Variants in NFKBID observed in about 807,000 individuals in gnomAD.
NFKBID encodes NFKB inhibitor delta.
NFKBID carries 26 observed loss-of-function variants against 53.4 expected under a neutral mutation model. The ratio of observed to expected loss-of-function variants is 0.49; its 90% CI spans 0.36 to 0.68. The LOEUF is 0.68. Among genes scored for constraint, NFKBID ranks in the 30% least tolerant of loss-of-function variants. The probability of loss-of-function intolerance (pLI) is 0.00; values close to 1 mark genes in which losing one functional copy is unlikely to be tolerated. For missense variants in NFKBID, 493 were observed against 614.1 expected, an observed-to-expected ratio of 0.80 and a Z score of 2.08; for synonymous variants, 262 against 259.8, an observed-to-expected ratio of 1.01 and a Z score of -0.08.
intron 9 of NFKBID, among the ~76,000 whole-genome samples, chr19:35,895,729 G>A (rs187296529): frequency 3.3e-4 from 50 of 152,136 alleles, no homozygotes; most frequent in African/African-American, 9.9e-4. Flanking sequence ...ACTTGAACCC[G>A]GGATGCAGAG....
At chr19:35,897,887 C>G in intron 3 of NFKBID, 31 bp from the exon 4 acceptor site, 1 of 1,476,566 alleles carries the variant, frequency 6.8e-7, no homozygotes, top group East Asian at 2.5e-5. Flanking sequence ...AGGGGCAGGT[C>G]TGGTTACCAG....
chr19:35,891,737 C>G (rs916421710), intron 9 of NFKBID, among the ~76,000 whole-genome samples: 3 of 151,976 alleles, frequency 2.0e-5, no homozygotes, highest in Non-Finnish European at 4.4e-5. Context: ...CGTGGTGGCA[C>G]ATGCCTATAA....
chr19:35,898,390 G>T, intron 3 of NFKBID, 82 bp downstream of exon 3: 2 of 844,370 alleles, frequency 2.4e-6, no homozygotes, highest in South Asian at 1.5e-5. Flanking sequence ...CTGACTCCCA[G>T]GTGTCCCAAA....
chr19:35,898,478 C>A, exon 3 of NFKBID: 1 of 1,533,966 alleles, frequency 6.5e-7, no homozygotes, highest in Non-Finnish European at 8.7e-7. Context: ...TTACCAGTCA[C>A]AGCCTCATTC....
chr19:35,901,928 T>G, upstream of NFKBID: 1 of 503,704 alleles, frequency 2.0e-6, no homozygotes, highest in Non-Finnish European at 3.6e-6. Context: ...CCTGGCAAAG[T>G]TCCTCCTCTT....
At chr19:35,895,855 G>A in intron 9 of NFKBID, 125 bp downstream of exon 9, 1 of 809,246 alleles carries the variant, frequency 1.2e-6, no homozygotes, top group South Asian at 1.7e-5. Context: ...GAGAAGTGAA[G>A]TAACATGTTC....
At chr19:35,892,256 T>TG (rs1410240204) in intron 9 of NFKBID, among the ~76,000 whole-genome samples, 1 of 152,120 alleles carries the variant, frequency 6.6e-6, no homozygotes, top group African/African-American at 2.4e-5. Context: ...CTCCCTATGT[T>TG]GCCCAGGTTG....
At chr19:35,890,592 G>A (rs527236723) in intron 9 of NFKBID, 102 bp from the exon 10 acceptor site, 137 of 827,766 alleles carry the variant, frequency 1.7e-4, no homozygotes, top group South Asian at 1.6e-3. Context: ...GGCGGAGTGC[G>A]GTGGTTCACG....
At chr19:35,888,240 G>A (rs1381372917), downstream of NFKBID, 3 of 314,076 alleles carry the variant, frequency 9.6e-6, no homozygotes, top group East Asian at 2.2e-4. Context: ...TGGGAACGAA[G>A]AGCTGAGTTA....
At chr19:35,895,668 G>A (rs1218500023) in intron 9 of NFKBID, among the ~76,000 whole-genome samples, 2 of 152,046 alleles carry the variant, frequency 1.3e-5, no homozygotes, top group Non-Finnish European at 2.9e-5. Flanking sequence ...GCCAGGCGTG[G>A]TGACTCATGC....
rs1975161588 is a variant in NFKBID, at chr19:35,896,487, G to A, written c.736C>T (p.Leu246=). Reference sequence around the variant, plus strand: ...TTGGGCTCTGCTCCCAGGTTCAACAGATCCTCCACAATCAGGGGCTGGTTG... The same window carrying A: ...TTGGGCTCTGCTCCCAGGTTCAACAAATCCTCCACAATCAGGGGCTGGTTG... The change falls in exon 7 of 12, where the codon CTG becomes TTG. Residue 246 remains leucine, a synonymous_variant. Coordinates refer to ENST00000641389, the Ensembl canonical transcript of NFKBID. This position sits in a 1 kb window ranked among gnomAD's most constrained non-coding sequence, Gnocchi z 5.7. 1 of 1,614,132 alleles carries A rather than the reference G, an allele frequency of 6.2e-7. No homozygotes were observed. The highest frequency in any genetic ancestry group is 8.5e-7 in the Non-Finnish European group (1 of 1,179,980).
chr19:35,902,072 C>CAG, upstream of NFKBID: 5 of 673,448 alleles, frequency 7.4e-6, no homozygotes, highest in Non-Finnish European at 1.4e-5. Flanking sequence ...CCAGACCAGC[C>CAG]TTATCCCCTG....
chr19:35,896,382 C>T lies in NFKBID; in HGVS notation c.831+10G>A, dbSNP rs1975152647. On this transcript the variant is annotated intron_variant, in intron 7 of 11. Coordinates refer to ENST00000641389, the Ensembl canonical transcript of NFKBID. This position sits in a 1 kb window ranked among gnomAD's most constrained non-coding sequence, Gnocchi z 5.7. The stretch of plus-strand genomic sequence containing the variant: ...CCCCAGACAAACCCCTGCCTGCCAG[C>T]TGGCCATACCAAGAGAACTCCTGGG... The T allele has an allele frequency of 6.2e-7, 1 of 1,614,166 alleles. No homozygotes were observed. Among genetic ancestry groups the T allele is most frequent in the East Asian group, 2.2e-5 (1 of 44,876 alleles).
chr19:35,890,099 G>C (rs1376106234), intron 10 of NFKBID, 45 bp from the exon 11 acceptor site: 1 of 1,550,782 alleles, frequency 6.4e-7, no homozygotes, highest in African/African-American at 1.4e-5. Flanking sequence ...GGCTCAGCTG[G>C]CCCAGGCCTC....
intron 9 of NFKBID, among the ~76,000 whole-genome samples, chr19:35,894,490 T>C (rs1176457988): frequency 6.6e-6 from 1 of 151,932 alleles, no homozygotes; most frequent in Non-Finnish European, 1.5e-5. Context: ...AAGGATTGCT[T>C]GAGCTCAGGA....
upstream of NFKBID, among the ~76,000 whole-genome samples, chr19:35,900,827 C>CTTTCTTTTT (rs1975529581): frequency 9.3e-5 from 10 of 107,592 alleles, no homozygotes; most frequent in African/African-American, 3.6e-4. Flanking sequence ...TTTTTCTTTT[C>CTTTCTTTTT]TTTTTTTTTT....
chr19:35,894,760 G>A (rs562945100), intron 9 of NFKBID, among the ~76,000 whole-genome samples: 5 of 152,140 alleles, frequency 3.3e-5, no homozygotes, highest in East Asian at 1.9e-4. Flanking sequence ...TTGGGAAGCC[G>A]AGGCAGGAAG....
Position 35,893,691 on chromosome 19 carries a change from G to A in NFKBID, c.1032+2289C>T, listed in dbSNP as rs556678357. On this transcript the variant is annotated intron_variant, in intron 9 of 11. Transcript: ENST00000641389. ...AAAATTTAGCCGGGCGTGGTGGCGG[G>A]TGCCTATAGTCCCAGCTACTCAGGA... Among the ~76,000 whole-genome samples, 3 of 151,884 alleles carry A rather than the reference G, an allele frequency of 2.0e-5. No individual in the cohort carries two copies. In the East Asian group the frequency reaches 5.8e-4, roughly 30 times the overall value.
rs1312667042 is a variant in NFKBID at position 35,895,974 on chromosome 19, G to A, written c.1032+6C>T. The A allele has an allele frequency of 4.3e-6, 7 of 1,611,260 alleles. No individual in the cohort carries two copies. Among genetic ancestry groups the A allele is most frequent in the East Asian group, 2.2e-5 (1 of 44,816 alleles). On this transcript the variant is annotated splice_donor_region_variant and intron_variant, in intron 9 of 11. Coordinates refer to ENST00000641389, the Ensembl canonical transcript of NFKBID. ...CCAGGGTCTGACCGCCCACATCCCC[G>A]CTCACCTGGCTGGTGTGATTAGCAC... is the stretch of plus-strand genomic sequence containing the variant.
Sources: gnomAD v4.1 joint callset for allele counts (sites outside exome capture counted in the v4.1 genomes callset) on GRCh38, gnomAD v4.1.1 for gene constraint, Gnocchi (gnomAD v3.1) non-coding constraint, MANE v1.5 for transcripts, NCBI Gene and HGNC (gene_info 2026-07-23, HGNC 2026-07-21) for gene names.